Variants in ATMIN observed in about 807,000 individuals in gnomAD.
ATMIN encodes ATM INteracting protein.
In ATMIN, 24 loss-of-function variants were observed where a neutral mutation model predicts 49.2. The observed-to-expected ratio is 0.49, with a 90% CI of 0.35 to 0.69. The LOEUF (loss-of-function observed/expected upper bound fraction) is 0.69, where lower values mean the gene tolerates loss of function less well. Ranked by LOEUF, ATMIN falls within the 30% of genes least tolerant of loss-of-function variation. ATMIN has a pLI of 0.00. For synonymous variants in ATMIN, 450 were observed against 392.5 expected, an observed-to-expected ratio of 1.15 and a Z score of -1.73; for missense variants, 1,037 against 1,005.5, an observed-to-expected ratio of 1.03 and a Z score of -0.42.
chr16:81,039,758 AT>A (rs1971009011), intron 1 of ATMIN, among the ~76,000 whole-genome samples: 1 of 152,254 alleles, frequency 6.6e-6, no homozygotes, highest in Non-Finnish European at 1.5e-5. Flanking sequence ...CAACATTTAT[AT>A]TGTAAAACAT....
At chr16:81,041,116 G>A (rs764921912) in intron 1 of ATMIN, 40 of 413,578 alleles carry the variant, frequency 9.7e-5, no homozygotes, top group South Asian at 1.9e-4. Flanking sequence ...AATGTAAATT[G>A]ACTAAGAGGA....
At position 81,045,381 on chromosome 16, in the gene ATMIN, C is replaced by T. The variant is rs751749895; in HGVS notation, c.*411C>T. 1.2e-5 allele frequency: 2 copies of T among 162,132 alleles called. No homozygotes were observed. The highest frequency in any genetic ancestry group is 2.7e-5 in the Non-Finnish European group (2 of 74,564). The allele number at this position is 162,132 out of a possible 1,614,324, so 10.0% of individuals were successfully genotyped here. On this transcript the variant is annotated 3_prime_UTR_variant, in exon 4 of 4. Coordinates refer to ENST00000299575, the MANE Select transcript of ATMIN (RefSeq NM_015251.3). ...AACTGCACCTAAAATATCTTTGGCA[C>T]TGCTTGTTAGAAATTCCTGATTCCT... is the stretch of plus-strand genomic sequence containing the variant.
rs530254826 is a variant in ATMIN at position 81,044,655 on chromosome 16, T to C, written c.2157T>C (p.Pro719=). The C allele has an allele frequency of 5.6e-5, 90 of 1,614,198 alleles. 1 individual carries two copies. The South Asian group carries it at 9.1e-4, about 16-fold the overall frequency. ...TCTTAGACAGTAGCCCTCATCTGCCTCTGGGAAGTATTCTGAAACACTCCA... is the reference window on the plus strand; with the variant it reads ...TCTTAGACAGTAGCCCTCATCTGCCCCTGGGAAGTATTCTGAAACACTCCA... The part of the protein sequence containing the change: ...NFFLDSSPHL[P]LGSILKHSSF... The change falls in exon 4 of 4, where the codon CCT becomes CCC. Residue 719 remains proline, a synonymous_variant. Coordinates refer to ENST00000299575, the MANE Select transcript of ATMIN (RefSeq NM_015251.3).
At position 81,043,782 on chromosome 16, in the gene ATMIN, A is replaced by T. The variant is rs1971075201; in HGVS notation, c.1284A>T (p.Ala428=). The change falls in exon 4 of 4, where the codon GCA becomes GCT. Residue 428 remains alanine (A), a synonymous_variant. Transcript: ENST00000299575. ...SYASQNFIPS[A]QWATADSSVS... ...CCTCACAAAACTTTATACCTTCTGC[A>T]CAGTGGGCCACTGCTGATTCCTCTG... is the stretch of plus-strand genomic sequence containing the variant. The T allele has an allele frequency of 5.6e-6, 9 of 1,614,250 alleles. No individual in the cohort carries two copies. Among genetic ancestry groups the T allele is most frequent in the Non-Finnish European group, 7.6e-6 (9 of 1,180,050 alleles).
Position 81,046,883 on chromosome 16 carries a change from G to T in ATMIN, c.*1913G>T, listed in dbSNP as rs1182672448. The T allele has an allele frequency of 6.6e-6, 1 of 152,644 alleles. No individual in the cohort carries two copies. Among genetic ancestry groups the T allele is most frequent in the Non-Finnish European group, 1.5e-5 (1 of 68,036 alleles). The allele number at this position is 152,644 out of a possible 1,614,324, so 9.5% of individuals were successfully genotyped here. A position where few individuals can be genotyped will look rare whatever the true frequency, so the allele number is the denominator to read the frequency against. ...CGGGCAGATGAGCTCAACCTAGTAG[G>T]TAAGAGTTTGGTTTGGTCACAGTTG... On this transcript the variant is annotated 3_prime_UTR_variant, in exon 4 of 4. Coordinates refer to ENST00000299575, the MANE Select transcript of ATMIN (RefSeq NM_015251.3).
At chr16:81,043,111 G>A (rs749099239) in intron 3 of ATMIN, 50 bp from the exon 4 acceptor site, 26 of 1,544,114 alleles carry the variant, frequency 1.7e-5, no homozygotes, top group African/African-American at 4.2e-5. Flanking sequence ...TGTCATGGTC[G>A]AAGAAAGTTG....
chr16:81,043,667 A>G lies in ATMIN; in HGVS notation c.1169A>G (p.Lys390Arg), dbSNP rs146214604. The G allele has an allele frequency of 5.9e-5, 95 of 1,614,234 alleles. No homozygotes were observed. The East Asian group carries it at 1.0e-3, about 17-fold the overall frequency. Reference protein sequence around the residue: ...ISTGVQVNFGKSPSNPLQELG... With the variant: ...ISTGVQVNFGRSPSNPLQELG... ...ACTGGTGTTCAAGTGAACTTTGGTA[A>G]AAGTCCATCTAATCCTTTACAAGAA... The change falls in exon 4 of 4, where the codon AAA becomes AGA. Residue 390 changes from lysine to arginine, a missense_variant. Lys to Arg is a conservative substitution (Grantham distance 26). Coordinates refer to ENST00000299575, the MANE Select transcript of ATMIN (RefSeq NM_015251.3).
chr16:81,037,098 A>G, intron 1 of ATMIN: 4 of 840,810 alleles, frequency 4.8e-6, no homozygotes, highest in Non-Finnish European at 5.7e-6. Context: ...TGACAAGCTT[A>G]TTAAAAATCC....
Position 81,043,362 on chromosome 16 carries a change from G to T in ATMIN, c.864G>T (p.Pro288=). ...ACAAGCAGACTCTTACAACACCACC[G>T]AGATATCCTCAGAAGTTGCTTTTAC... is the stretch of plus-strand genomic sequence containing the variant. ...NTDKQTLTTP[P]RYPQKLLLPK... The change falls in exon 4 of 4, where the codon CCG becomes CCT. Residue 288 remains proline (P), a synonymous_variant. Transcript: ENST00000299575. 1.2e-6 allele frequency: 2 copies of T among 1,613,916 alleles called. No homozygotes were observed. The highest frequency in any genetic ancestry group is 1.1e-5 in the South Asian group (1 of 91,054).
rs558643358 is a variant in ATMIN at position 81,043,557 on chromosome 16, C to T, written c.1059C>T (p.Leu353=). Reference sequence around the variant, plus strand: ...CCTTGTCAGTAGGAACCCTGATCCTCGGCCTAGATTCAGAGGCTTGCTCTC... The same window carrying T: ...CCTTGTCAGTAGGAACCCTGATCCTTGGCCTAGATTCAGAGGCTTGCTCTC... ...LMPLSVGTLI[L]GLDSEACSLK... Residue 353 remains leucine, a synonymous_variant, in exon 4 of 4, where the codon CTC becomes CTT. Coordinates refer to ENST00000299575, the MANE Select transcript of ATMIN (RefSeq NM_015251.3). 15 of 1,614,082 alleles carry T rather than the reference C, an allele frequency of 9.3e-6. No homozygotes were observed. The highest frequency in any genetic ancestry group is 1.7e-5 in the Admixed American group (1 of 60,026).
chr16:81,039,776 G>C (rs997188077), intron 1 of ATMIN, among the ~76,000 whole-genome samples: 2 of 152,190 alleles, frequency 1.3e-5, no homozygotes, highest in Non-Finnish European at 2.9e-5. Context: ...ACATGGCTTA[G>C]AGGATTTTGT....
Position 81,036,043 on chromosome 16 carries a change from C to T in ATMIN, c.173C>T (p.Pro58Leu), listed in dbSNP as rs1970921856. The part of the protein sequence containing the change: ...RPRPAGATQQ[P>L]AVPAPPAGEL... ...CGGCCCGCGGGGGCGACGCAGCAGCCCGCTGTCCCCGCGCCGCCGGCGGGG... is the reference window on the plus strand; with the variant it reads ...CGGCCCGCGGGGGCGACGCAGCAGCTCGCTGTCCCCGCGCCGCCGGCGGGG... The change falls in exon 1 of 4, where the codon CCC becomes CTC. Residue 58 changes from proline to leucine, a missense_variant. Coordinates refer to ENST00000299575, the MANE Select transcript of ATMIN (RefSeq NM_015251.3). The T allele has an allele frequency of 1.6e-6, 2 of 1,223,270 alleles. No homozygotes were observed. Among genetic ancestry groups the T allele is most frequent in the Non-Finnish European group, 2.0e-6 (2 of 975,784 alleles). 75.8% of individuals were successfully genotyped at this position (1,223,270 alleles called of 1,614,324 possible). A position where few individuals can be genotyped will look rare whatever the true frequency, so the allele number is the denominator to read the frequency against.
At chr16:81,039,587 TTGTG>T (rs1336807705) in intron 1 of ATMIN, among the ~76,000 whole-genome samples, 1 of 152,166 alleles carries the variant, frequency 6.6e-6, no homozygotes, top group Non-Finnish European at 1.5e-5. Context: ...TAGCCCAGCC[TTGTG>T]TATGGTGGGA....
rs530747895 is a variant in ATMIN, at chr16:81,044,470, A to T, written c.1972A>T (p.Thr658Ser). 19 of 1,614,166 alleles carry T rather than the reference A, an allele frequency of 1.2e-5. 1 individual carries two copies. The South Asian group carries it at 1.9e-4, about 16-fold the overall frequency. The change falls in exon 4 of 4, where the codon ACC (threonine) becomes TCC (serine). Residue 658 changes from threonine (T) to serine (S), a missense_variant. Coordinates refer to ENST00000299575, the MANE Select transcript of ATMIN (RefSeq NM_015251.3). ...QTQTEESELS[T>S]MTTEPVLESL... ...TCAAACTGAAGAGAGTGAACTTAGC[A>T]CCATGACCACCGAGCCAGTCTTGGA...
chr16:81,043,089 G>A (rs1971061509), intron 3 of ATMIN, 72 bp from the exon 4 acceptor site: 1 of 1,505,422 alleles, frequency 6.6e-7, no homozygotes, highest in African/African-American at 1.4e-5. Context: ...GCATTTGTAA[G>A]TGAGGATAGA....
chr16:81,040,210 T>C (rs1971015329), intron 1 of ATMIN, among the ~76,000 whole-genome samples: 1 of 152,204 alleles, frequency 6.6e-6, no homozygotes, highest in South Asian at 2.1e-4. Context: ...AAAACACCAC[T>C]TTCTCACTGC....
rs1409339228 is a variant in ATMIN at position 81,045,795 on chromosome 16, T to A, written c.*825T>A. On this transcript the variant is annotated 3_prime_UTR_variant, in exon 4 of 4. Coordinates refer to ENST00000299575, the MANE Select transcript of ATMIN (RefSeq NM_015251.3). ...GAGTTCAACACCAGCTTGGGCAACGTAAGAAGACCGTGTCTCTGGAATTTT... is the reference window on the plus strand; with the variant it reads ...GAGTTCAACACCAGCTTGGGCAACGAAAGAAGACCGTGTCTCTGGAATTTT... 6.6e-6 allele frequency: 1 copy of A among 151,464 alleles called. No homozygotes were observed. The highest frequency in any genetic ancestry group is 1.5e-5 in the Non-Finnish European group (1 of 67,966). The allele number at this position is 151,464 out of a possible 1,614,324, so 9.4% of individuals were successfully genotyped here.
In ATMIN at chr16:81,044,503, G is replaced by A; in HGVS notation, c.2005G>A (p.Asp669Asn). 1 of 1,614,058 alleles carries A rather than the reference G, an allele frequency of 6.2e-7. No homozygotes were observed. The highest frequency in any genetic ancestry group is 8.5e-7 in the Non-Finnish European group (1 of 1,180,024). The change falls in exon 4 of 4, where the codon GAC becomes AAC. Residue 669 changes from aspartate (D) to asparagine (N), a missense_variant. Asp to Asn is a conservative substitution (Grantham distance 23, BLOSUM62 1). Coordinates refer to ENST00000299575, the MANE Select transcript of ATMIN (RefSeq NM_015251.3). ...MTTEPVLESLDIETQTDFLLA... is the reference protein window; with the variant it reads ...MTTEPVLESLNIETQTDFLLA... ...CACCGAGCCAGTCTTGGAGTCACTG[G>A]ACATAGAGACTCAAACGGACTTCTT...
chr16:81,043,133 TTTC>T (rs1262746620), intron 3 of ATMIN, 25 bp from the exon 4 acceptor site: 2 of 1,567,298 alleles, frequency 1.3e-6, no homozygotes, highest in East Asian at 4.5e-5. Context: ...ATTTTAAGGT[TTTC>T]TTTTTGCTCT....
Sources: allele counts gnomAD v4.1 joint callset (sites outside exome capture counted in the v4.1 genomes callset), GRCh38; gene constraint gnomAD v4.1.1; transcripts MANE v1.5; gene names NCBI Gene and HGNC (gene_info 2026-07-23, HGNC 2026-07-21).